The following ROBO1 variants were observed in gnomAD, a reference collection of about 807,000 sequenced individuals.
ROBO1 encodes the protein roundabout homolog 1.
Under a neutral mutation model 195.9 loss-of-function variants are expected in ROBO1, and 149 were observed. The ratio of observed to expected loss-of-function variants is 0.76; its 90% CI spans 0.67 to 0.87. ROBO1 has a LOEUF of 0.87. ROBO1 is among the 40% of genes least tolerant of loss of function. ROBO1 has a pLI of 0.00. For missense variants in ROBO1, 1,933 were observed against 2,068.3 expected (o/e 0.93, Z 1.27); for synonymous variants, 816 against 733.2 (o/e 1.11, Z -1.82).
intron 2 of ROBO1, among the ~76,000 whole-genome samples, chr3:79,462,554 C>A (rs1252426244): frequency 6.6e-6 from 1 of 152,052 alleles, no homozygotes; most frequent in Non-Finnish European, 1.5e-5. Context: ...TGTAGAATTA[C>A]TAGACAATGA....
intron 2 of ROBO1, among the ~76,000 whole-genome samples, chr3:79,414,662 C>A (rs899645675): frequency 1.3e-5 from 2 of 152,038 alleles, no homozygotes; most frequent in Admixed American, 6.6e-5. Flanking sequence ...ATCCATGGTA[C>A]ACTAGTAAAA....
At chr3:78,819,903 C>A (rs756228055) in intron 4 of ROBO1, among the ~76,000 whole-genome samples, 13 of 152,146 alleles carry the variant, frequency 8.5e-5, no homozygotes, top group South Asian at 2.1e-4. Context: ...ATTCTCAATT[C>A]ATGAGGGAAA....
At chr3:79,480,973 C>T (rs1383062842) in intron 2 of ROBO1, among the ~76,000 whole-genome samples, 1 of 152,036 alleles carries the variant, frequency 6.6e-6, no homozygotes, top group Non-Finnish European at 1.5e-5. Context: ...TTTTTTTCCT[C>T]CATACATTTC....
chr3:79,283,488 G>T (rs902246967), intron 2 of ROBO1, among the ~76,000 whole-genome samples: 7 of 152,198 alleles, frequency 4.6e-5, no homozygotes, highest in Non-Finnish European at 1.5e-5. Flanking sequence ...AAACAGTACA[G>T]ATTGGTATAT....
intron 8 of ROBO1, among the ~76,000 whole-genome samples, chr3:78,707,568 T>C (rs1458578231): frequency 6.6e-6 from 1 of 152,176 alleles, no homozygotes; most frequent in African/African-American, 2.4e-5. Context: ...AAAAGAAAGC[T>C]GATAAAGTTG....
intron 4 of ROBO1, among the ~76,000 whole-genome samples, chr3:78,930,854 T>G (rs1055802502): frequency 6.6e-6 from 1 of 152,206 alleles, no homozygotes; most frequent in Non-Finnish European, 1.5e-5. Flanking sequence ...AGGTACAACA[T>G]AGGTGATGTT....
At chr3:78,789,478 T>C (rs903546952) in intron 4 of ROBO1, among the ~76,000 whole-genome samples, 5 of 152,188 alleles carry the variant, frequency 3.3e-5, no homozygotes, top group Non-Finnish European at 7.3e-5. Context: ...ACATTTTGAG[T>C]AGCATAAATT....
At chr3:78,750,535 A>G (rs1048241739) in intron 4 of ROBO1, among the ~76,000 whole-genome samples, 21 of 151,726 alleles carry the variant, frequency 1.4e-4, no homozygotes, top group East Asian at 3.9e-4. Flanking sequence ...TGTACAAAAC[A>G]TAACAAAGCA....
At chr3:79,125,642 G>A in intron 2 of ROBO1, 103 bp from the exon 3 acceptor site, 1 of 836,304 alleles carries the variant, frequency 1.2e-6, no homozygotes, top group Non-Finnish European at 2.0e-6. Flanking sequence ...ACATGTGACA[G>A]AAAAACACAC....
At chr3:78,604,145 A>G (rs1482669510) in intron 29 of ROBO1, among the ~76,000 whole-genome samples, 2 of 152,008 alleles carry the variant, frequency 1.3e-5, no homozygotes, top group Admixed American at 6.6e-5. Flanking sequence ...ATCTTGGCTC[A>G]CTGCAATCTC....
intron 18 of ROBO1, 36 bp downstream of exon 18, chr3:78,657,062 G>A: frequency 6.5e-7 from 1 of 1,549,910 alleles, no homozygotes; most frequent in Non-Finnish European, 8.7e-7. Flanking sequence ...ATGGTAGAGT[G>A]AGAGATTGTC....
chr3:78,626,981 A>G (rs1414020348), intron 26 of ROBO1, among the ~76,000 whole-genome samples: 1 of 152,206 alleles, frequency 6.6e-6, no homozygotes, highest in Non-Finnish European at 1.5e-5. Flanking sequence ...TATTGATACA[A>G]AAGGAACACT....
intron 2 of ROBO1, among the ~76,000 whole-genome samples, chr3:79,506,321 G>C (rs149768594): frequency 0.011 from 1,684 of 152,110 alleles, 28 homozygotes; most frequent in African/African-American, 0.039. Flanking sequence ...CCAGCAACGG[G>C]GTGAATAGAA....
chr3:78,724,713 C>T (rs995108963), intron 5 of ROBO1, among the ~76,000 whole-genome samples: 4 of 151,744 alleles, frequency 2.6e-5, no homozygotes, highest in African/African-American at 9.7e-5. Flanking sequence ...AAATCAACAT[C>T]TTATGTTGAG....
In ROBO1 at chr3:79,684,045, C is replaced by T. The variant is rs191076290; in HGVS notation, c.-51+83707G>A. ...GCCAAAATGTTCTCCAAAGTGTTTG[C>T]GCCATTTTAGATTCTCACCAGCAAT... is the stretch of plus-strand genomic sequence containing the variant. On this transcript the variant is annotated intron_variant, in intron 1 of 30. Transcript: ENST00000464233. 4.8e-4 allele frequency among the ~76,000 whole-genome samples: 73 copies of T among 152,158 alleles called. 3 individuals are homozygous for T. The highest frequency in any genetic ancestry group is 2.1e-3 in the Admixed American group (32 of 15,250).
At chr3:78,899,227 A>C (rs529568924) in intron 4 of ROBO1, among the ~76,000 whole-genome samples, 1 of 152,330 alleles carries the variant, frequency 6.6e-6, no homozygotes, top group South Asian at 2.1e-4. Context: ...AAGTAAGTGC[A>C]TTTTGTGAAG....
chr3:79,568,772 CCAAA>C (rs772583543), intron 2 of ROBO1, among the ~76,000 whole-genome samples: 75 of 151,876 alleles, frequency 4.9e-4, no homozygotes, highest in Non-Finnish European at 7.2e-4. Context: ...AAGGCAAACC[CCAAA>C]CAGTCCCCAA....
At chr3:79,456,841 A>G (rs1394240814) in intron 2 of ROBO1, among the ~76,000 whole-genome samples, 1 of 152,106 alleles carries the variant, frequency 6.6e-6, no homozygotes, top group Non-Finnish European at 1.5e-5. Flanking sequence ...CAAGCTTCTA[A>G]ATCTTACACC....
intron 3 of ROBO1, among the ~76,000 whole-genome samples, chr3:78,956,430 GAGT>G (rs1460775913): frequency 1.3e-5 from 2 of 152,050 alleles, no homozygotes; most frequent in East Asian, 3.9e-4. Context: ...ACTATCTTGA[GAGT>G]GGTGTAATTC....
Sources: allele counts gnomAD v4.1 joint callset (sites outside exome capture counted in the v4.1 genomes callset), GRCh38; gene constraint gnomAD v4.1.1; transcripts MANE v1.5; gene names NCBI Gene and HGNC (gene_info 2026-07-23, HGNC 2026-07-21).